NLGN1: variants seen among roughly 807,000 people sequenced by gnomAD.
NLGN1 encodes the protein neuroligin 1, also known as neuroligin-1.
Under a neutral mutation model 65.5 loss-of-function variants are expected in NLGN1, and 12 were observed. That is an observed-to-expected ratio of 0.18 (90% CI 0.12 to 0.30). The LOEUF (loss-of-function observed/expected upper bound fraction) is 0.30, where lower values mean the gene tolerates loss of function less well. Ranked by LOEUF, NLGN1 falls within the 10% of genes least tolerant of loss-of-function variation. The pLI is 1.00. For synonymous variants in NLGN1, 350 were observed against 359.5 expected (o/e 0.97, Z 0.30); for missense variants, 750 against 1,007.1 (o/e 0.74, Z 3.46).
chr3:173,535,779 C>T (rs905286209), intron 2 of NLGN1, among the ~76,000 whole-genome samples: 2 of 152,056 alleles, frequency 1.3e-5, no homozygotes, highest in African/African-American at 4.8e-5. Context: ...TTTCTGTTGT[C>T]AAAATAAGTA....
chr3:173,785,611 A>G (rs2150340994), intron 3 of NLGN1, among the ~76,000 whole-genome samples: 1 of 152,260 alleles, frequency 6.6e-6, no homozygotes, highest in African/African-American at 2.4e-5. Flanking sequence ...TTTATTGACT[A>G]AATTTCTAAG....
At chr3:173,978,937 AG>A (rs1257390195) in intron 4 of NLGN1, among the ~76,000 whole-genome samples, 4 of 151,870 alleles carry the variant, frequency 2.6e-5, no homozygotes, top group Middle Eastern at 3.4e-3. Flanking sequence ...CCCTGGAGGC[AG>A]AGATTGCAGC....
intron 3 of NLGN1, among the ~76,000 whole-genome samples, chr3:173,632,849 GTTTTTTTTTTTTTT>G (rs5854526): frequency 3.4e-5 from 4 of 116,402 alleles, no homozygotes; most frequent in Non-Finnish European, 7.1e-5. Flanking sequence ...TTTTTTTTTT[GTTTTTTTTTTTTTT>G]TTTTAATAGT....
chr3:173,615,743 G>GTTTT (rs5854521), intron 3 of NLGN1, among the ~76,000 whole-genome samples: 3 of 141,522 alleles, frequency 2.1e-5, no homozygotes, highest in African/African-American at 2.6e-5. Context: ...CCATCCATCT[G>GTTTT]TTTTTTTTTT....
intron 4 of NLGN1, among the ~76,000 whole-genome samples, chr3:174,127,363 T>C (rs1388553679): frequency 6.6e-6 from 1 of 152,176 alleles, no homozygotes; most frequent in East Asian, 1.9e-4. Flanking sequence ...TGTAAGGACA[T>C]AATATTTTAA....
In NLGN1 at chr3:173,870,913, C is replaced by T. The variant is rs572067723; in HGVS notation, c.646+63081C>T. Among the ~76,000 whole-genome samples the T allele has an allele frequency of 2.0e-5, 3 of 152,274 alleles. No individual in the cohort carries two copies. The South Asian group carries it at 6.2e-4, about 32-fold the overall frequency. Reference sequence around the variant, plus strand: ...AGAACTCCTAATACCTTAGAATTTCCTAGGTGATATGAGGGTCCTTTGTTC... The same window carrying T: ...AGAACTCCTAATACCTTAGAATTTCTTAGGTGATATGAGGGTCCTTTGTTC... On this transcript the variant is annotated intron_variant, in intron 4 of 6. Coordinates refer to ENST00000457714, the Ensembl canonical transcript of NLGN1.
At chr3:173,897,918 G>A (rs1274438433) in intron 4 of NLGN1, among the ~76,000 whole-genome samples, 2 of 152,180 alleles carry the variant, frequency 1.3e-5, no homozygotes, top group East Asian at 3.9e-4. Flanking sequence ...ATTTGCATTT[G>A]TAAAAGCCAT....
chr3:173,594,537 G>A (rs938971148), intron 2 of NLGN1, among the ~76,000 whole-genome samples: 2 of 152,210 alleles, frequency 1.3e-5, no homozygotes, highest in East Asian at 1.9e-4. Context: ...AAGTGTCTGT[G>A]GCTTTTTCAG....
At chr3:173,611,679 A>C (rs1752320431) in intron 3 of NLGN1, among the ~76,000 whole-genome samples, 1 of 152,062 alleles carries the variant, frequency 6.6e-6, no homozygotes, top group Non-Finnish European at 1.5e-5. Flanking sequence ...AGTAGATCTA[A>C]AGGGCTGTAA....
intron 3 of NLGN1, among the ~76,000 whole-genome samples, chr3:173,660,147 C>T (rs1210372520): frequency 6.6e-6 from 1 of 151,862 alleles, no homozygotes; most frequent in East Asian, 1.9e-4. Context: ...TTATGTTCCA[C>T]TGTGTCAGCC....
At chr3:174,292,107 G>A in the NLGN1 span, among the ~76,000 whole-genome samples, 1 of 151,162 alleles carries the variant, frequency 6.6e-6, no homozygotes, top group Admixed American at 6.6e-5. Flanking sequence ...GTGGAAGAAA[G>A]GATATTCTGA....
intron 4 of NLGN1, among the ~76,000 whole-genome samples, chr3:174,120,344 T>TA (rs529887775): frequency 0.15 from 21,215 of 141,614 alleles, 2,434 homozygotes; most frequent in African/African-American, 0.33. Flanking sequence ...CTACTATAAA[T>TA]AAAAAAAAAA....
At chr3:173,869,671 G>A (rs567726931) in intron 4 of NLGN1, among the ~76,000 whole-genome samples, 1 of 152,156 alleles carries the variant, frequency 6.6e-6, no homozygotes, top group East Asian at 1.9e-4. Flanking sequence ...TCTTCTTGGT[G>A]TAGAAAAAGA....
At chr3:174,031,676 ATAGAGTTCAAGAAATATCT>A (rs1730061072) in intron 4 of NLGN1, among the ~76,000 whole-genome samples, 1 of 152,162 alleles carries the variant, frequency 6.6e-6, no homozygotes, top group Non-Finnish European at 1.5e-5. Flanking sequence ...GGTTTAGAAT[ATAGAGTTCAAGAAATATCT>A]CAGAAAGAAC....
At chr3:173,659,087 C>A (rs375196908) in intron 3 of NLGN1, among the ~76,000 whole-genome samples, 9 of 151,978 alleles carry the variant, frequency 5.9e-5, no homozygotes, top group African/African-American at 1.9e-4. Context: ...AGTCCCCTAA[C>A]TTCTATTGCC....
chr3:173,591,476 C>G (rs1362192595), intron 2 of NLGN1, among the ~76,000 whole-genome samples: 1 of 152,140 alleles, frequency 6.6e-6, no homozygotes, highest in African/African-American at 2.4e-5. Flanking sequence ...AGTCCAGTTC[C>G]TAGTAGACAG....
At chr3:173,483,355 G>A (rs952408794) in intron 2 of NLGN1, among the ~76,000 whole-genome samples, 2 of 151,780 alleles carry the variant, frequency 1.3e-5, no homozygotes, top group Non-Finnish European at 2.9e-5. Flanking sequence ...TCAATAGGAG[G>A]GGGTAGAATT....
intron 2 of NLGN1, among the ~76,000 whole-genome samples, chr3:173,485,755 A>G (rs1728069996): frequency 6.6e-6 from 1 of 152,232 alleles, no homozygotes; most frequent in Non-Finnish European, 1.5e-5. Context: ...TGATTTTTAT[A>G]TATTTACATA....
At chr3:173,800,314 C>A in intron 3 of NLGN1, 2 of 1,212,048 alleles carry the variant, frequency 1.7e-6, no homozygotes, top group Non-Finnish European at 2.1e-6. Flanking sequence ...AAGAAACAGA[C>A]AGATGATTTA....
Sources: gnomAD v4.1 joint callset for allele counts (sites outside exome capture counted in the v4.1 genomes callset) on GRCh38, gnomAD v4.1.1 for gene constraint, MANE v1.5 for transcripts, NCBI Gene and HGNC (gene_info 2026-07-23, HGNC 2026-07-21) for gene names.